GPR176: variants seen among roughly 807,000 people sequenced by gnomAD.
The protein encoded by GPR176 is G protein-coupled receptor 176, also known as G-protein coupled receptor 176.
GPR176 carries 26 observed loss-of-function variants against 35.4 expected under a neutral mutation model. The observed-to-expected ratio is 0.74, with a 90% CI of 0.54 to 1.02. The LOEUF (loss-of-function observed/expected upper bound fraction) is 1.02. Ranked by LOEUF, GPR176 falls within the 50% of genes least tolerant of loss-of-function variation. The pLI is 0.00. For synonymous variants in GPR176, 278 were observed against 271.3 expected, an observed-to-expected ratio of 1.02 and a Z score of -0.24; for missense variants, 597 against 665.3, an observed-to-expected ratio of 0.90 and a Z score of 1.13.
At chr15:39,887,146 GA>G (rs1383100925) in intron 1 of GPR176, among the ~76,000 whole-genome samples, 1 of 152,120 alleles carries the variant, frequency 6.6e-6, no homozygotes, top group Non-Finnish European at 1.5e-5. Flanking sequence ...TCCCAGAAAT[GA>G]ATATTTTTAA....
rs370452304 is a variant in GPR176, at chr15:39,864,435, G to A, written c.172+55420C>T. Among the ~76,000 whole-genome samples, 5 of 151,172 alleles carry A rather than the reference G, an allele frequency of 3.3e-5. 1 individual carries two copies. The highest frequency in any genetic ancestry group is 1.9e-4 in the East Asian group (1 of 5,180). On this transcript the variant is annotated intron_variant, in intron 1 of 2. Coordinates refer to ENST00000561100, the MANE Select transcript of GPR176 (RefSeq NM_007223.3). ...CAAATGCCGCTGGGAAAATTGGATT[G>A]GCATATGCAGAAGAATGAAACTGGA... is the stretch of plus-strand genomic sequence containing the variant.
intron 1 of GPR176, among the ~76,000 whole-genome samples, chr15:39,880,424 G>A (rs1286195919): frequency 6.6e-6 from 1 of 152,094 alleles, no homozygotes; most frequent in Non-Finnish European, 1.5e-5. Context: ...AAACCTGCTT[G>A]TTAAAAGGTC....
intron 1 of GPR176, among the ~76,000 whole-genome samples, chr15:39,811,449 T>C (rs767741342): frequency 2.0e-5 from 3 of 152,202 alleles, no homozygotes; most frequent in Non-Finnish European, 2.9e-5. Flanking sequence ...TTTAGGATTA[T>C]AGGTTGAGTA....
At chr15:39,832,411 A>G (rs1901145915) in intron 1 of GPR176, among the ~76,000 whole-genome samples, 1 of 152,104 alleles carries the variant, frequency 6.6e-6, no homozygotes, top group South Asian at 2.1e-4. Context: ...TTAAAACAAC[A>G]CAAAATTATT....
chr15:39,805,650 G>T (rs1490759197), intron 2 of GPR176, among the ~76,000 whole-genome samples: 1 of 152,150 alleles, frequency 6.6e-6, no homozygotes, highest in Non-Finnish European at 1.5e-5. Context: ...TCCATGGATG[G>T]TGAGATTCCA....
intron 1 of GPR176, among the ~76,000 whole-genome samples, chr15:39,871,445 G>A (rs373878208): frequency 2.0e-5 from 3 of 152,170 alleles, no homozygotes; most frequent in African/African-American, 7.2e-5. Context: ...ACAGGGCAAG[G>A]TAGAGAGTGG....
intron 1 of GPR176, among the ~76,000 whole-genome samples, chr15:39,893,953 G>T (rs1265013711): frequency 8.4e-6 from 1 of 119,178 alleles, no homozygotes; most frequent in South Asian, 2.7e-4. Context: ...CTGGCCGGGC[G>T]GGGGGCTGAC....
intron 1 of GPR176, among the ~76,000 whole-genome samples, chr15:39,913,804 T>C (rs2033645467): frequency 6.6e-6 from 1 of 152,166 alleles, no homozygotes; most frequent in Non-Finnish European, 1.5e-5. Flanking sequence ...CCCAGCACTT[T>C]GGGAGGCCAA....
At chr15:39,837,993 T>TA (rs5812142) in intron 1 of GPR176, among the ~76,000 whole-genome samples, 61,011 of 123,972 alleles carry the variant, frequency 0.49, 15,278 homozygotes, top group East Asian at 0.73. Flanking sequence ...CTCCATTAAT[T>TA]AAAAAAAAAA....
intron 1 of GPR176, among the ~76,000 whole-genome samples, chr15:39,914,068 CA>C (rs2033659129): frequency 6.6e-6 from 1 of 151,930 alleles, no homozygotes. Flanking sequence ...AACAAACAAA[CA>C]AAAAACACCA....
intron 1 of GPR176, among the ~76,000 whole-genome samples, chr15:39,870,516 T>C (rs1369884): frequency 0.4 from 61,550 of 152,074 alleles, 12,534 homozygotes; most frequent in East Asian, 0.49. Context: ...TGTGATATCT[T>C]ACAACTTATC....
rs528498629 is a variant in GPR176 at position 39,800,908 on chromosome 15, C to A, written c.*224G>T. Reference sequence around the variant, plus strand: ...TCCCCACAGAGAATAATGTGGACTTCACTAAGGACATGGATCACTGAGATG... The same window carrying A: ...TCCCCACAGAGAATAATGTGGACTTAACTAAGGACATGGATCACTGAGATG... On this transcript the variant is annotated 3_prime_UTR_variant, in exon 3 of 3. Coordinates refer to ENST00000561100, the MANE Select transcript of GPR176 (RefSeq NM_007223.3). 4 of 498,050 alleles carry A rather than the reference C, an allele frequency of 8.0e-6. No individual in the cohort carries two copies. In the East Asian group the frequency reaches 1.5e-4, roughly 19 times the overall value. The allele number at this position is 498,050 out of a possible 1,614,324, so 30.9% of individuals were successfully genotyped here.
At chr15:39,864,038 T>G (rs1321320116) in intron 1 of GPR176, among the ~76,000 whole-genome samples, 1 of 152,216 alleles carries the variant, frequency 6.6e-6, no homozygotes, top group African/African-American at 2.4e-5. Flanking sequence ...GAATAATTTT[T>G]GAACTCTCAG....
intron 1 of GPR176, among the ~76,000 whole-genome samples, chr15:39,914,917 A>G (rs1160331405): frequency 1.3e-5 from 2 of 152,244 alleles, no homozygotes; most frequent in Admixed American, 6.5e-5. Flanking sequence ...CTGGTACCCC[A>G]TATGATTTTG....
At position 39,919,937 on chromosome 15, in the gene GPR176, C is replaced by A. The variant is rs1353403833; in HGVS notation, c.90G>T (p.Ala30=). 6 of 1,518,396 alleles carry A rather than the reference C, an allele frequency of 4.0e-6. No individual in the cohort carries two copies. Among genetic ancestry groups the A allele is most frequent in the Non-Finnish European group, 5.3e-6 (6 of 1,136,622 alleles). The allele number at this position is 1,518,396 out of a possible 1,614,324, so 94.1% of individuals were successfully genotyped here. A position where few individuals can be genotyped will look rare whatever the true frequency, so the allele number is the denominator to read the frequency against. ...GCTGCGCCTCGCCGAACTCCCCGAG[C>A]GCGCTGCGGTTCACACCCGCAGCCT... ...GAEAAGVNRS[A]LGEFGEAQLY... Residue 30 remains alanine, a synonymous_variant, in exon 1 of 3, where the codon GCG becomes GCT. Transcript: ENST00000561100.
intron 1 of GPR176, among the ~76,000 whole-genome samples, chr15:39,845,827 T>C (rs1302152108): frequency 6.6e-6 from 1 of 152,190 alleles, no homozygotes; most frequent in African/African-American, 2.4e-5. Flanking sequence ...ACTTTGTGCC[T>C]ACATCCTGAG....
chr15:39,903,489 C>A lies in GPR176; in HGVS notation c.172+16366G>T, dbSNP rs1185164096. On this transcript the variant is annotated intron_variant, in intron 1 of 2. Coordinates refer to ENST00000561100, the MANE Select transcript of GPR176 (RefSeq NM_007223.3). ...ATGGCATTTGTGAATGGCAACCAGA[C>A]AAACAGGGAGAAGAAAGAAAAACAG... 3.9e-5 allele frequency among the ~76,000 whole-genome samples: 6 copies of A among 151,928 alleles called. No individual in the cohort carries two copies. In the East Asian group the frequency reaches 7.7e-4, roughly 20 times the overall value.
chr15:39,899,200 T>A (rs185326639), intron 1 of GPR176, among the ~76,000 whole-genome samples: 8 of 152,312 alleles, frequency 5.3e-5, no homozygotes, highest in African/African-American at 1.9e-4. Context: ...TTACCCTTGG[T>A]AATCAGGACC....
At chr15:39,838,446 A>G (rs965612200) in intron 1 of GPR176, among the ~76,000 whole-genome samples, 4 of 152,206 alleles carry the variant, frequency 2.6e-5, no homozygotes, top group African/African-American at 9.6e-5. Context: ...CTAAAGAAAG[A>G]AAACAGTTTT....
Sources: allele counts gnomAD v4.1 joint callset (sites outside exome capture counted in the v4.1 genomes callset), GRCh38; gene constraint gnomAD v4.1.1; transcripts MANE v1.5; gene names NCBI Gene and HGNC (gene_info 2026-07-23, HGNC 2026-07-21).